PDE4B: variants seen among roughly 807,000 people sequenced by gnomAD.
PDE4B encodes 3',5'-cyclic-AMP phosphodiesterase 4B.
A neutral mutation model predicts 82.2 loss-of-function variants in PDE4B; 20 were observed. That is an observed-to-expected ratio of 0.24 (90% confidence interval 0.17 to 0.35). The LOEUF (loss-of-function observed/expected upper bound fraction) is 0.35. PDE4B is among the 10% of genes least tolerant of loss of function. PDE4B has a pLI of 1.00. For missense variants in PDE4B, 655 were observed against 907.2 expected, an observed-to-expected ratio of 0.72 and a Z score of 3.57; for synonymous variants, 320 against 318.9, an observed-to-expected ratio of 1.00 and a Z score of -0.04.
chr1:66,298,232 C>T (rs1168474902), intron 7 of PDE4B, among the ~76,000 whole-genome samples: 1 of 152,074 alleles, frequency 6.6e-6, no homozygotes, highest in Non-Finnish European at 1.5e-5. Flanking sequence ...GTCTGGGGCT[C>T]TTCATTGAAA....
chr1:65,949,613 A>T (rs912295754), intron 3 of PDE4B, among the ~76,000 whole-genome samples: 4 of 152,096 alleles, frequency 2.6e-5, no homozygotes, highest in African/African-American at 9.7e-5. Context: ...TTTTAGGCAT[A>T]TAATTTCTTT....
intron 1 of PDE4B, among the ~76,000 whole-genome samples, chr1:65,852,828 CTT>C (rs1226390892): frequency 1.3e-5 from 2 of 151,936 alleles, no homozygotes; most frequent in African/African-American, 4.8e-5. Flanking sequence ...TCTTGGTACA[CTT>C]TTCATATACT....
At chr1:65,857,735 C>T (rs773007924) in intron 1 of PDE4B, among the ~76,000 whole-genome samples, 1 of 152,152 alleles carries the variant, frequency 6.6e-6, no homozygotes, top group Non-Finnish European at 1.5e-5. Flanking sequence ...CCAAAAACAC[C>T]ATTGGGCATA....
At chr1:66,318,837 A>C (rs1373615089) in intron 7 of PDE4B, among the ~76,000 whole-genome samples, 1 of 152,220 alleles carries the variant, frequency 6.6e-6, no homozygotes, top group Non-Finnish European at 1.5e-5. Context: ...CACTTACAGC[A>C]CATCTGACCA....
At chr1:65,954,932 T>G (rs1255612198) in intron 3 of PDE4B, among the ~76,000 whole-genome samples, 3 of 152,116 alleles carry the variant, frequency 2.0e-5, no homozygotes, top group African/African-American at 7.2e-5. Flanking sequence ...TTTTTTAAAA[T>G]GAAGTAGCCA....
chr1:66,116,410 C>T (rs1001456761), intron 3 of PDE4B, among the ~76,000 whole-genome samples: 15 of 152,114 alleles, frequency 9.9e-5, no homozygotes, highest in African/African-American at 2.9e-4. Flanking sequence ...TGCTGGGCTC[C>T]CTTCCTCCCC....
rs371841552 is a variant in PDE4B, at chr1:65,828,652, A to G, written c.-71+35404A>G. ...TCAAGTGAAATTTATGACAAAAATG[A>G]TACAAGAGATGGGAGGGAGGAATTA... is the stretch of plus-strand genomic sequence containing the variant. On this transcript the variant is annotated intron_variant, in intron 1 of 16. Coordinates refer to ENST00000341517, the MANE Select transcript of PDE4B (RefSeq NM_002600.4). Among the ~76,000 whole-genome samples the G allele has an allele frequency of 1.2e-4, 18 of 152,314 alleles. No homozygotes were observed. In the East Asian group the frequency reaches 2.1e-3, roughly 18 times the overall value.
chr1:65,841,308 A>G (rs1315254501), intron 1 of PDE4B, among the ~76,000 whole-genome samples: 1 of 151,914 alleles, frequency 6.6e-6, no homozygotes, highest in African/African-American at 2.4e-5. Flanking sequence ...GCCTTCAAAG[A>G]AGGAAAGAAA....
chr1:66,106,936 C>T (rs1319859540), intron 3 of PDE4B, among the ~76,000 whole-genome samples: 1 of 144,384 alleles, frequency 6.9e-6, no homozygotes, highest in Non-Finnish European at 1.5e-5. Flanking sequence ...GTCTCTATTT[C>T]CTTCAGTTCT....
At chr1:65,824,878 G>C (rs967588717) in intron 1 of PDE4B, among the ~76,000 whole-genome samples, 4 of 152,192 alleles carry the variant, frequency 2.6e-5, no homozygotes, top group African/African-American at 9.6e-5. Context: ...GTTGAATCAG[G>C]CTCTCTAGTG....
Position 66,247,566 on chromosome 1 carries a change from C to A in PDE4B, c.388C>A (p.Arg130Ser). Residue 130 changes from arginine (R) to serine (S), a missense_variant, in exon 4 of 17, where the codon CGC (arginine) becomes AGC (serine). Around this residue, in one of 3 missense-constraint regions of PDE4B, gnomAD observed 253 missense variants for 275.6 expected, o/e 0.92. Coordinates refer to ENST00000341517, the MANE Select transcript of PDE4B (RefSeq NM_002600.4). ...LHATFPGHSQRRESFLYRSDS... is the reference protein window; with the variant it reads ...LHATFPGHSQSRESFLYRSDS... ...CGCCACCTTTCCTGGGCACAGCCAG[C>A]GCAGAGAGTCATTTCTCTACAGATC... 3 of 1,611,922 alleles carry A rather than the reference C, an allele frequency of 1.9e-6. No homozygotes were observed. Among genetic ancestry groups the A allele is most frequent in the Non-Finnish European group, 2.5e-6 (3 of 1,178,796 alleles).
intron 3 of PDE4B, among the ~76,000 whole-genome samples, chr1:66,186,244 T>C (rs1461784388): frequency 6.6e-6 from 1 of 152,086 alleles, no homozygotes; most frequent in African/African-American, 2.4e-5. Flanking sequence ...GTAGCCTCAT[T>C]GTATAATTTG....
At chr1:66,185,356 A>T (rs1364090901) in intron 3 of PDE4B, among the ~76,000 whole-genome samples, 1 of 152,250 alleles carries the variant, frequency 6.6e-6, no homozygotes, top group East Asian at 1.9e-4. Flanking sequence ...GTATATACCC[A>T]GTAATGGGAT....
At chr1:66,272,524 C>A (rs1570599477) in intron 7 of PDE4B, among the ~76,000 whole-genome samples, 1 of 152,170 alleles carries the variant, frequency 6.6e-6, no homozygotes, top group Admixed American at 6.5e-5. Flanking sequence ...TTCACCTACA[C>A]AACTGTCCCT....
intron 3 of PDE4B, among the ~76,000 whole-genome samples, chr1:66,147,199 G>A (rs950975115): frequency 2.6e-5 from 4 of 152,188 alleles, no homozygotes; most frequent in African/African-American, 9.6e-5. Flanking sequence ...GTCAGTCAAA[G>A]ACCATTTTCA....
chr1:66,020,797 G>A (rs1185176625), intron 3 of PDE4B, among the ~76,000 whole-genome samples: 1 of 152,178 alleles, frequency 6.6e-6, no homozygotes, highest in Non-Finnish European at 1.5e-5. Flanking sequence ...TGTCTTTATA[G>A]CAGCATGATT....
At chr1:66,213,853 A>G (rs960181105) in intron 3 of PDE4B, among the ~76,000 whole-genome samples, 3 of 152,132 alleles carry the variant, frequency 2.0e-5, no homozygotes, top group African/African-American at 7.2e-5. Flanking sequence ...GGAAGTGGAA[A>G]TATGATTACC....
intron 3 of PDE4B, among the ~76,000 whole-genome samples, chr1:65,972,829 AAT>A (rs1650215063): frequency 6.6e-6 from 1 of 152,172 alleles, no homozygotes; most frequent in Non-Finnish European, 1.5e-5. Context: ...GAGAGGAGAA[AAT>A]ATACTCTACT....
At chr1:66,195,100 T>G (rs75230422) in intron 3 of PDE4B, among the ~76,000 whole-genome samples, 4 of 152,284 alleles carry the variant, frequency 2.6e-5, no homozygotes, top group Non-Finnish European at 5.9e-5. Context: ...CTAAAATTAA[T>G]AATCAGTGGT....
Sources: allele counts gnomAD v4.1 joint callset (sites outside exome capture counted in the v4.1 genomes callset), GRCh38; gene constraint gnomAD v4.1.1; regional missense constraint gnomAD v4.1.1; transcripts MANE v1.5; gene names NCBI Gene and HGNC (gene_info 2026-07-23, HGNC 2026-07-21).